The following DUOX2 variants were observed in gnomAD, a reference collection of about 807,000 sequenced individuals.
DUOX2 encodes the protein dual oxidase 2, also known as NADH/NADPH thyroid oxidase p138-tox.
In DUOX2, 185 loss-of-function variants were observed where a neutral mutation model predicts 183.3. The ratio of observed to expected loss-of-function variants is 1.01; its 90% confidence interval spans 0.90 to 1.14. The LOEUF (loss-of-function observed/expected upper bound fraction) is 1.14. Ranked by LOEUF, DUOX2 falls within the 50% of genes most tolerant of loss-of-function variation. The pLI is 0.00. For missense variants in DUOX2, 1,999 were observed against 2,022.9 expected (o/e 0.99, Z 0.23); for synonymous variants, 788 against 812.4 (o/e 0.97, Z 0.51).
chr15:45,105,033 C>A (rs1457077466), intron 18 of DUOX2, among the ~76,000 whole-genome samples: 3 of 152,182 alleles, frequency 2.0e-5, no homozygotes, highest in African/African-American at 4.8e-5. Context: ...GTTGGCCATG[C>A]TAGTCTCGAA....
chr15:45,108,353 G>A, intron 12 of DUOX2, 131 bp from the exon 13 acceptor site: 1 of 1,101,730 alleles, frequency 9.1e-7, no homozygotes. Flanking sequence ...CTCTTCTTAG[G>A]CAAGCCCCCT....
chr15:45,101,551 C>A, intron 21 of DUOX2: 1 of 626,708 alleles, frequency 1.6e-6, no homozygotes, highest in Admixed American at 2.7e-5. Context: ...CATCTTAGAG[C>A]AATGCCGGTG....
Position 45,103,458 on chromosome 15 carries a change from C to T in DUOX2, c.2654+502G>A, listed in dbSNP as rs1038616659. The stretch of plus-strand genomic sequence containing the variant: ...GAAGCACAAAGCTGTTTTTTTTTAC[C>T]GGCACAACAAAACCAGAAAGGGCTT... On this transcript the variant is annotated intron_variant, in intron 20 of 33. Transcript: ENST00000389039. Among the ~76,000 whole-genome samples the T allele has an allele frequency of 7.2e-5, 11 of 152,112 alleles. No individual in the cohort carries two copies. The East Asian group carries it at 1.5e-3, about 21-fold the overall frequency.
rs1894314075 is a variant in DUOX2, at chr15:45,109,275, G to A, written c.1234+249C>T. On this transcript the variant is annotated intron_variant, in intron 11 of 33. Coordinates refer to ENST00000389039, the MANE Select transcript of DUOX2 (RefSeq NM_001363711.2). ...TTTAGAGACCTAATTAAGCACCAAAGAGATTGTGGTACCACCCCTCCCCAA... is the reference window on the plus strand; with the variant it reads ...TTTAGAGACCTAATTAAGCACCAAAAAGATTGTGGTACCACCCCTCCCCAA... The A allele has an allele frequency of 5.0e-6, 3 of 597,934 alleles. No homozygotes were observed. The South Asian group carries it at 6.1e-5, about 12-fold the overall frequency. 37.0% of individuals were successfully genotyped at this position (597,934 alleles called of 1,614,324 possible).
At chr15:45,105,501 G>T in intron 18 of DUOX2, 142 bp downstream of exon 18, 1 of 978,990 alleles carries the variant, frequency 1.0e-6, no homozygotes, top group East Asian at 2.5e-5. Flanking sequence ...AAGTAAAGTG[G>T]CAATGCCAGG....
intron 26 of DUOX2, among the ~76,000 whole-genome samples, chr15:45,098,284 G>T (rs1461160403): frequency 6.6e-6 from 1 of 152,184 alleles, no homozygotes; most frequent in Non-Finnish European, 1.5e-5. Context: ...CTCTTACTGT[G>T]GTTGACCCCT....
intron 20 of DUOX2, among the ~76,000 whole-genome samples, chr15:45,102,470 A>G (rs1452977627): frequency 6.6e-6 from 1 of 152,200 alleles, no homozygotes; most frequent in Non-Finnish European, 1.5e-5. Flanking sequence ...GAGCGTCTCC[A>G]TGCCCAACCT....
Position 45,113,020 on chromosome 15 carries a change from T to A in DUOX2, c.127A>T (p.Asn43Tyr), listed in dbSNP as rs747270555. 2.4e-5 allele frequency: 38 copies of A among 1,613,814 alleles called. No individual in the cohort carries two copies. In the East Asian group the frequency reaches 8.2e-4, roughly 35 times the overall value. Reference sequence around the variant, plus strand: ...CCACGCTCGTGGTGCCTCAGGTTGTTAAACCAGCCGTCATAGCGCTGCACT... The same window carrying A: ...CCACGCTCGTGGTGCCTCAGGTTGTAAAACCAGCCGTCATAGCGCTGCACT... ...WEVQRYDGWF[N>Y]NLRHHERGAV... Residue 43 changes from asparagine to tyrosine, a missense_variant, in exon 3 of 34, where the codon AAC (asparagine) becomes TAC (tyrosine). Transcript: ENST00000389039.
intron 26 of DUOX2, 94 bp downstream of exon 26, chr15:45,099,289 C>A: frequency 3.6e-6 from 4 of 1,108,842 alleles, no homozygotes; most frequent in Non-Finnish European, 5.3e-6. Context: ...GGATTACAGG[C>A]GTGAGCCACC....
rs367829065 is a variant in DUOX2, at chr15:45,110,441, C to T, written c.1027G>A (p.Gly343Ser). 2.9e-5 allele frequency: 46 copies of T among 1,613,766 alleles called. No homozygotes were observed. The highest frequency in any genetic ancestry group is 3.6e-5 in the Non-Finnish European group (43 of 1,179,910). ...EQFFSTMVPP[G>S]VYMRNASCHF... ...CCCCTCCCTCACCTCATGTAGACAC[C>T]AGGGGGCACCATGGTAGAGAAGAAC... The change falls in exon 9 of 34, where the codon GGT becomes AGT. Residue 343 changes from glycine (G) to serine (S), a missense_variant. Physicochemically the swap from Gly to Ser is moderately conservative, Grantham distance 56. Transcript: ENST00000389039.
intron 18 of DUOX2, among the ~76,000 whole-genome samples, chr15:45,105,387 C>T (rs1201256473): frequency 6.6e-6 from 1 of 152,172 alleles, no homozygotes; most frequent in Non-Finnish European, 1.5e-5. Flanking sequence ...ACCGAATCCT[C>T]ACAACAATGC....
Position 45,107,344 on chromosome 15 carries a change from C to G in DUOX2, c.1693+1G>C, listed in dbSNP as rs1268230987. 8.7e-6 allele frequency: 14 copies of G among 1,614,200 alleles called. No individual in the cohort carries two copies. Among genetic ancestry groups the G allele is most frequent in the Non-Finnish European group, 1.2e-5 (14 of 1,179,994 alleles). On this transcript the variant is annotated splice_donor_variant, in intron 14 of 33. Coordinates refer to ENST00000389039, the MANE Select transcript of DUOX2 (RefSeq NM_001363711.2). LOFTEE classifies it high-confidence loss of function. ...CACTTGTGTTCTCCCACGGCACTCA[C>G]CTTTATGCCAGACAAAGACATTGGG...
rs1322666253 is a variant in DUOX2, at chr15:45,111,864, C to G, written c.417G>C (p.Val139=). Residue 139 remains valine (V), a synonymous_variant, in exon 5 of 34, where the codon GTG becomes GTC. Coordinates refer to ENST00000389039, the MANE Select transcript of DUOX2 (RefSeq NM_001363711.2). ...LNIRIPPGDP[V]FDPDQRGDVV... ...CGTCCCCGCGCTGGTCGGGGTCGAA[C>G]ACGGGGTCTCCAGGTGGGATGCGGA... 1 of 1,613,684 alleles carries G rather than the reference C, an allele frequency of 6.2e-7. No homozygotes were observed. The highest frequency in any genetic ancestry group is 1.3e-5 in the African/African-American group (1 of 74,954).
intron 12 of DUOX2, 70 bp from the exon 13 acceptor site, chr15:45,108,292 C>A: frequency 6.4e-7 from 1 of 1,571,694 alleles, no homozygotes; most frequent in South Asian, 1.1e-5. Flanking sequence ...TGCCCCATCC[C>A]TCGGGCACAG....
chr15:45,095,734 G>A (rs554300891), intron 30 of DUOX2, 94 bp downstream of exon 30: 2 of 1,539,964 alleles, frequency 1.3e-6, no homozygotes, highest in African/African-American at 2.7e-5. Context: ...GGCTGGCTTT[G>A]GGACGGCTGG....
At chr15:45,102,556 A>G (rs551609936) in intron 20 of DUOX2, among the ~76,000 whole-genome samples, 26 of 152,342 alleles carry the variant, frequency 1.7e-4, no homozygotes, top group Admixed American at 7.2e-4. Flanking sequence ...AAGACAGACT[A>G]TGCAAGTTTG....
chr15:45,112,868 G>A (rs886150165), intron 3 of DUOX2, 119 bp downstream of exon 3: 2 of 1,537,928 alleles, frequency 1.3e-6, no homozygotes, highest in East Asian at 2.3e-5. Flanking sequence ...ATAAGATTGC[G>A]CTGTGTAGGC....
At chr15:45,094,396 G>A in intron 33 of DUOX2, 124 bp from the exon 34 acceptor site, 2 of 1,549,104 alleles carry the variant, frequency 1.3e-6, no homozygotes, top group Non-Finnish European at 1.8e-6. Context: ...TGAGGAGGAG[G>A]CTTAACGTGG....
rs1595521232 is a variant in DUOX2, at chr15:45,099,705, C to T, written c.3372G>A (p.Val1124=). Residue 1124 remains valine, a synonymous_variant, in exon 25 of 34, where the codon GTG becomes GTA. Transcript: ENST00000389039. ...CCATGGCGATCCAGCGGTGGAAGTC[C>T]ACTGCGGCATCAAAAGGCACATAGC... The part of the protein sequence containing the change: ...LNRYVPFDAA[V]DFHRWIAMAA... 2 of 1,614,164 alleles carry T rather than the reference C, an allele frequency of 1.2e-6. No homozygotes were observed. The highest frequency in any genetic ancestry group is 1.7e-6 in the Non-Finnish European group (2 of 1,180,038).
Sources: allele counts gnomAD v4.1 joint callset (sites outside exome capture counted in the v4.1 genomes callset), GRCh38; gene constraint gnomAD v4.1.1; transcripts MANE v1.5; gene names NCBI Gene and HGNC (gene_info 2026-07-23, HGNC 2026-07-21).